Variants in SLC39A11 observed in about 807,000 individuals in gnomAD.
SLC39A11 encodes the protein solute carrier family 39 member 11.
A neutral mutation model predicts 36.1 loss-of-function variants in SLC39A11; 33 were observed. That is an observed-to-expected ratio of 0.91 (90% CI 0.69 to 1.22). The LOEUF (loss-of-function observed/expected upper bound fraction) is 1.22. Ranked by LOEUF, SLC39A11 falls within the 50% of genes most tolerant of loss-of-function variation. The probability of loss-of-function intolerance (pLI) is 0.00; values close to 1 mark genes in which losing one functional copy is unlikely to be tolerated. For missense variants in SLC39A11, 432 were observed against 430.3 expected (o/e 1.00, Z -0.03); for synonymous variants, 166 against 170.3 (o/e 0.97, Z 0.20).
At chr17:72,926,960 C>T (rs1357534027) in intron 5 of SLC39A11, among the ~76,000 whole-genome samples, 1 of 118,278 alleles carries the variant, frequency 8.5e-6, no homozygotes, top group Non-Finnish European at 1.6e-5. Flanking sequence ...AAAGAGACCA[C>T]TACCCTGATT....
chr17:72,951,414 G>C (rs142646973), intron 4 of SLC39A11, among the ~76,000 whole-genome samples: 1 of 152,014 alleles, frequency 6.6e-6, no homozygotes, highest in Non-Finnish European at 1.5e-5. Flanking sequence ...GAAGAATTTC[G>C]CTAGTTTCTC....
At chr17:72,914,889 A>AAATAAATAAATAAATAAATAAATAAAC (rs2083245871) in intron 5 of SLC39A11, among the ~76,000 whole-genome samples, 1 of 120,112 alleles carries the variant, frequency 8.3e-6, no homozygotes, top group Non-Finnish European at 2.1e-5. Flanking sequence ...AATAAATAAA[A>AAATAAATAAATAAATAAATAAATAAAC]TTGAATATCT....
chr17:72,752,881 G>C (rs963345968), intron 6 of SLC39A11, among the ~76,000 whole-genome samples: 2 of 151,796 alleles, frequency 1.3e-5, no homozygotes, highest in Admixed American at 6.6e-5. Context: ...TTTTGAGATA[G>C]GTCTCACTCT....
At chr17:72,844,504 A>T (rs2078965075) in intron 6 of SLC39A11, among the ~76,000 whole-genome samples, 1 of 152,180 alleles carries the variant, frequency 6.6e-6, no homozygotes, top group South Asian at 2.1e-4. Context: ...TCTTGCCTCA[A>T]CCAAAAATAC....
intron 7 of SLC39A11, among the ~76,000 whole-genome samples, chr17:72,673,643 T>A (rs2071119047): frequency 6.6e-6 from 1 of 152,254 alleles, no homozygotes; most frequent in Non-Finnish European, 1.5e-5. Context: ...GTAATTCATT[T>A]GTAATACAAC....
At chr17:72,988,332 A>G (rs2088915330) in intron 4 of SLC39A11, among the ~76,000 whole-genome samples, 1 of 152,148 alleles carries the variant, frequency 6.6e-6, no homozygotes, top group South Asian at 2.1e-4. Context: ...GCGGTGGTAC[A>G]TGCCTGCAAT....
At chr17:73,081,047 G>A (rs2144725131) in intron 3 of SLC39A11, among the ~76,000 whole-genome samples, 1 of 152,094 alleles carries the variant, frequency 6.6e-6, no homozygotes, top group African/African-American at 2.4e-5. Flanking sequence ...CACAGAGTGG[G>A]AGAAAACCTT....
intron 7 of SLC39A11, among the ~76,000 whole-genome samples, chr17:72,718,492 A>G (rs1328585958): frequency 6.6e-6 from 1 of 152,144 alleles, no homozygotes; most frequent in African/African-American, 2.4e-5. Context: ...TGTTCAAAGG[A>G]TTCATAATGG....
chr17:72,771,657 T>C (rs2075950716), intron 6 of SLC39A11, among the ~76,000 whole-genome samples: 2 of 151,660 alleles, frequency 1.3e-5, no homozygotes, highest in Non-Finnish European at 2.9e-5. Context: ...AGATTCCTAA[T>C]AAAAAAAAGA....
At position 72,900,212 on chromosome 17, in the gene SLC39A11, A is replaced by AGAAAGAAAGAAAGAAG. The variant is rs2082315836; in HGVS notation, c.430+47539_430+47540insCTTCTTTCTTTCTTTC. On this transcript the variant is annotated intron_variant, in intron 5 of 9. Coordinates refer to ENST00000255559, the MANE Select transcript of SLC39A11 (RefSeq NM_139177.4). ...AAGAAAGAAAGAAAGAAAGAAAGAAAGAAAGAAAGAAAGAAAGAAAAAGAC... is the reference window on the plus strand; with the variant it reads ...AAGAAAGAAAGAAAGAAAGAAAGAAAGAAAGAAAGAAAGAAGGAAAGAAAGAAAGAAAGAAAAAGAC... 1.9e-5 allele frequency among the ~76,000 whole-genome samples: 2 copies of AGAAAGAAAGAAAGAAG among 103,546 alleles called. 1 individual carries two copies. The allele number at this position is 103,546 out of a possible 152,430, so 67.9% of individuals were successfully genotyped here. A position where few individuals can be genotyped will look rare whatever the true frequency, so the allele number is the denominator to read the frequency against.
chr17:72,825,979 A>G (rs946778445), intron 6 of SLC39A11, among the ~76,000 whole-genome samples: 2 of 152,162 alleles, frequency 1.3e-5, no homozygotes, highest in African/African-American at 4.8e-5. Flanking sequence ...ATGAGTTAAG[A>G]CTTTGGGGAC....
rs1436484912 is a variant in SLC39A11, at chr17:72,959,325, G to GTGTGTGTA, written c.307-11451_307-11450insTACACACA. On this transcript the variant is annotated intron_variant, in intron 4 of 9. Transcript: ENST00000255559. ...CTGGTGTATGTATGTGTGTGTGTGT[G>GTGTGTGTA]TATATATATATATATATATATATAT... 7.5e-4 allele frequency among the ~76,000 whole-genome samples: 49 copies of GTGTGTGTA among 65,538 alleles called. 1 individual carries two copies. Among genetic ancestry groups the GTGTGTGTA allele is most frequent in the African/African-American group, 3.3e-3 (48 of 14,530 alleles). The allele number at this position is 65,538 out of a possible 152,430, so 43.0% of individuals were successfully genotyped here. A position where few individuals can be genotyped will look rare whatever the true frequency, so the allele number is the denominator to read the frequency against.
intron 7 of SLC39A11, among the ~76,000 whole-genome samples, chr17:72,676,581 T>C (rs2071272113): frequency 6.6e-6 from 1 of 152,176 alleles, no homozygotes; most frequent in African/African-American, 2.4e-5. Context: ...GTGAGACTGC[T>C]GTCCTTAGAA....
intron 4 of SLC39A11, among the ~76,000 whole-genome samples, chr17:72,964,211 G>A (rs2086810836): frequency 1.3e-5 from 2 of 152,226 alleles, no homozygotes; most frequent in South Asian, 4.1e-4. Context: ...AACAAATGAA[G>A]ATAGTTCCCA....
chr17:72,735,451 T>C (rs1168189426), intron 7 of SLC39A11, among the ~76,000 whole-genome samples: 1 of 151,734 alleles, frequency 6.6e-6, no homozygotes, highest in Admixed American at 6.6e-5. Context: ...CAGGAGGGAG[T>C]GCTATTTCCT....
intron 7 of SLC39A11, among the ~76,000 whole-genome samples, chr17:72,724,150 C>T (rs1210753253): frequency 2.0e-5 from 3 of 151,414 alleles, no homozygotes; most frequent in Non-Finnish European, 2.9e-5. Flanking sequence ...GCTTGAAAAG[C>T]ATTATCATAA....
At chr17:72,921,346 G>A (rs1477943775) in intron 5 of SLC39A11, among the ~76,000 whole-genome samples, 1 of 152,158 alleles carries the variant, frequency 6.6e-6, no homozygotes, top group Admixed American at 6.5e-5. Flanking sequence ...AAGACAGTGA[G>A]GGCAAGGAAA....
At chr17:73,001,905 CT>C (rs1431977270) in intron 4 of SLC39A11, among the ~76,000 whole-genome samples, 1 of 152,126 alleles carries the variant, frequency 6.6e-6, no homozygotes, top group Non-Finnish European at 1.5e-5. Context: ...AATAAGTTTT[CT>C]GAGCATAGTG....
chr17:72,725,936 C>G (rs1328773458), intron 7 of SLC39A11, among the ~76,000 whole-genome samples: 5 of 152,152 alleles, frequency 3.3e-5, no homozygotes, highest in Non-Finnish European at 7.4e-5. Flanking sequence ...CATTTTTCTG[C>G]TGTGAAAGGG....
Sources: gnomAD v4.1 joint callset for allele counts (sites outside exome capture counted in the v4.1 genomes callset) on GRCh38, gnomAD v4.1.1 for gene constraint, MANE v1.5 for transcripts, NCBI Gene and HGNC (gene_info 2026-07-23, HGNC 2026-07-21) for gene names.